Variants in RORB observed in about 807,000 individuals in gnomAD.
RORB encodes the protein nuclear receptor ROR-beta.
In RORB, 6 loss-of-function variants were observed where a neutral mutation model predicts 59.1. The ratio of observed to expected loss-of-function variants is 0.10; its 90% CI spans 0.06 to 0.20. The LOEUF (loss-of-function observed/expected upper bound fraction) is 0.20. Among genes scored for constraint, RORB ranks in the 10% least tolerant of loss-of-function variants. The pLI, the probability that RORB is intolerant of heterozygous loss-of-function variation, is 1.00. For missense variants in RORB, 320 were observed against 560.5 expected, an observed-to-expected ratio of 0.57 and a Z score of 4.33; for synonymous variants, 215 against 204.5, an observed-to-expected ratio of 1.05 and a Z score of -0.44.
chr9:74,547,566 T>A (rs1176387516), intron 1 of RORB, among the ~76,000 whole-genome samples: 3 of 152,098 alleles, frequency 2.0e-5, no homozygotes, highest in African/African-American at 7.2e-5. Context: ...AATGATGATA[T>A]TTGTACCCAG....
chr9:74,688,535 T>A lies in RORB; in HGVS notation c.*2917T>A, dbSNP rs144965129. The stretch of plus-strand genomic sequence containing the variant: ...TCACTTCGTGCTTCATAAATGACAA[T>A]CACTGCTTGATGCAGATGTTGCACT... On this transcript the variant is annotated 3_prime_UTR_variant, in exon 10 of 10. Coordinates refer to ENST00000376896, the MANE Select transcript of RORB (RefSeq NM_006914.4). 1 of 151,654 alleles carries A rather than the reference T, an allele frequency of 6.6e-6. No individual in the cohort carries two copies. The highest frequency in any genetic ancestry group is 1.9e-4 in the East Asian group (1 of 5,156). 9.4% of individuals were successfully genotyped at this position (151,654 alleles called of 1,614,324 possible).
intron 8 of RORB, among the ~76,000 whole-genome samples, chr9:74,669,775 A>G (rs1824320524): frequency 6.6e-6 from 1 of 152,090 alleles, no homozygotes. Flanking sequence ...TATATGCTCT[A>G]CTATATTTTT....
intron 1 of RORB, among the ~76,000 whole-genome samples, chr9:74,595,508 C>T (rs1009441950): frequency 6.6e-6 from 1 of 152,194 alleles, no homozygotes; most frequent in Admixed American, 6.5e-5. Flanking sequence ...CCATTACTTT[C>T]CCATCAGACT....
At chr9:74,632,048 G>A (rs1250275609) in intron 2 of RORB, among the ~76,000 whole-genome samples, 1 of 152,096 alleles carries the variant, frequency 6.6e-6, no homozygotes, top group East Asian at 1.9e-4. Context: ...CTGATTTTTA[G>A]ATCAATATCA....
chr9:74,538,315 G>T (rs1267114581), intron 1 of RORB, among the ~76,000 whole-genome samples: 1 of 152,110 alleles, frequency 6.6e-6, no homozygotes, highest in Admixed American at 6.6e-5. Context: ...TTGTATTCTT[G>T]TTCTCAAGAA....
At chr9:74,594,425 A>G (rs762930436) in intron 1 of RORB, among the ~76,000 whole-genome samples, 1 of 152,120 alleles carries the variant, frequency 6.6e-6, no homozygotes, top group Non-Finnish European at 1.5e-5. Context: ...TTATTTGCCT[A>G]CTCCTTAAGA....
At position 74,527,048 on chromosome 9, in the gene RORB, T is replaced by C. The variant is rs11143999; in HGVS notation, c.7+29065T>C. ...ACAGCTACTCTCAAAAGACAACTTG[T>C]GAAAGACATCCTTATTAATTAAAGC... On this transcript the variant is annotated intron_variant, in intron 1 of 9. Transcript: ENST00000376896. 4.2e-3 allele frequency among the ~76,000 whole-genome samples: 632 copies of C among 152,062 alleles called. 6 individuals are homozygous for C. The highest frequency in any genetic ancestry group is 4.9e-3 in the Non-Finnish European group (333 of 67,916).
In RORB at chr9:74,642,652, C is replaced by T. The variant is rs768494153; in HGVS notation, c.474C>T (p.Val158=). 5 of 1,614,202 alleles carry T rather than the reference C, an allele frequency of 3.1e-6. No individual in the cohort carries two copies. The highest frequency in any genetic ancestry group is 3.4e-6 in the Non-Finnish European group (4 of 1,180,038). ...DLPKSEGYYN[V]DSGQPSPDQS... ...CCAAGTCTGAGGGTTATTACAACGTCGATTCCGGTCAGCCGTCCCCTGATC... is the reference window on the plus strand; with the variant it reads ...CCAAGTCTGAGGGTTATTACAACGTTGATTCCGGTCAGCCGTCCCCTGATC... The change falls in exon 4 of 10, where the codon GTC becomes GTT. Residue 158 remains valine, a synonymous_variant. Coordinates refer to ENST00000376896, the MANE Select transcript of RORB (RefSeq NM_006914.4).
intron 1 of RORB, among the ~76,000 whole-genome samples, chr9:74,550,216 TAAA>T (rs1826586033): frequency 6.6e-6 from 1 of 152,180 alleles, no homozygotes; most frequent in African/African-American, 2.4e-5. Flanking sequence ...TTTTTTCACT[TAAA>T]GAAGAAAAAA....
chr9:74,559,279 A>T (rs147746073), intron 1 of RORB, among the ~76,000 whole-genome samples: 49 of 152,324 alleles, frequency 3.2e-4, no homozygotes, highest in Non-Finnish European at 5.1e-4. Flanking sequence ...CCAGAATGCC[A>T]GGCTTCTAAA....
At chr9:74,508,272 T>C (rs754206314) in intron 1 of RORB, among the ~76,000 whole-genome samples, 10 of 152,022 alleles carry the variant, frequency 6.6e-5, no homozygotes, top group Non-Finnish European at 1.2e-4. Flanking sequence ...ACAGCATTAA[T>C]ACCCTTCCAG....
At chr9:74,613,840 G>C (rs1443523171) in intron 1 of RORB, among the ~76,000 whole-genome samples, 1 of 152,184 alleles carries the variant, frequency 6.6e-6, no homozygotes, top group Non-Finnish European at 1.5e-5. Flanking sequence ...TTTGCTTTCT[G>C]TTCCTGTGTT....
chr9:74,685,143 A>G (rs1393816267), intron 9 of RORB, among the ~76,000 whole-genome samples: 1 of 152,126 alleles, frequency 6.6e-6, no homozygotes, highest in Non-Finnish European at 1.5e-5. Context: ...GAACTCAGGT[A>G]GCCCAACTAC....
chr9:74,614,461 A>G lies in RORB; in HGVS notation c.8-15821A>G, dbSNP rs1181205091. Among the ~76,000 whole-genome samples, 6 of 152,234 alleles carry G rather than the reference A, an allele frequency of 3.9e-5. No homozygotes were observed. In the East Asian group the frequency reaches 9.7e-4, roughly 24 times the overall value. On this transcript the variant is annotated intron_variant, in intron 1 of 9. Coordinates refer to ENST00000376896, the MANE Select transcript of RORB (RefSeq NM_006914.4). The stretch of plus-strand genomic sequence containing the variant: ...TGAGTAGATTATAGTTGCTCTTGGC[A>G]CAAGGAGGAATGGGTAATTATGTGA...
At chr9:74,586,231 C>T (rs1822797047) in intron 1 of RORB, among the ~76,000 whole-genome samples, 1 of 152,152 alleles carries the variant, frequency 6.6e-6, no homozygotes, top group Admixed American at 6.5e-5. Flanking sequence ...GGTGCAGTCG[C>T]TCATGCCTGT....
chr9:74,510,787 A>G (rs768789364), intron 1 of RORB, among the ~76,000 whole-genome samples: 4 of 152,180 alleles, frequency 2.6e-5, no homozygotes, highest in African/African-American at 4.8e-5. Flanking sequence ...TTATAAAAGG[A>G]GGAAATATAA....
At chr9:74,567,148 C>A (rs1822481520) in intron 1 of RORB, among the ~76,000 whole-genome samples, 1 of 151,990 alleles carries the variant, frequency 6.6e-6, no homozygotes, top group South Asian at 2.1e-4. Flanking sequence ...GTCTCAACCT[C>A]CCGACTACCT....
At chr9:74,665,660 A>G in intron 7 of RORB, 65 bp downstream of exon 7, 1 of 1,011,342 alleles carries the variant, frequency 9.9e-7, no homozygotes, top group Non-Finnish European at 1.6e-6. Flanking sequence ...CTTAGATTGA[A>G]ATTGGTAAAT....
Position 74,662,527 on chromosome 9 carries a change from A to G in RORB, c.813A>G (p.Gln271=). The change falls in exon 6 of 10, where the codon CAA becomes CAG. Residue 271 remains glutamine, a synonymous_variant. Coordinates refer to ENST00000376896, the MANE Select transcript of RORB (RefSeq NM_006914.4). Reference sequence around the variant, plus strand: ...CCATCCAGATCACTCACGCCATCCAATACGTGGTGGAGTTTGCAAAGCGGA... The same window carrying G: ...CCATCCAGATCACTCACGCCATCCAGTACGTGGTGGAGTTTGCAAAGCGGA... ...QCAIQITHAI[Q]YVVEFAKRIT... 1 of 1,614,062 alleles carries G rather than the reference A, an allele frequency of 6.2e-7. No homozygotes were observed. The highest frequency in any genetic ancestry group is 8.5e-7 in the Non-Finnish European group (1 of 1,179,948).
Sources: allele counts gnomAD v4.1 joint callset (sites outside exome capture counted in the v4.1 genomes callset), GRCh38; gene constraint gnomAD v4.1.1; transcripts MANE v1.5; gene names NCBI Gene and HGNC (gene_info 2026-07-23, HGNC 2026-07-21).